The following LRRTM4 variants were observed in gnomAD, a reference collection of about 807,000 sequenced individuals.
The protein encoded by LRRTM4 is leucine rich repeat transmembrane neuronal 4.
In LRRTM4, 25 loss-of-function variants were observed where a neutral mutation model predicts 47.6. The ratio of observed to expected loss-of-function variants is 0.53; its 90% CI spans 0.38 to 0.73. LRRTM4 has a LOEUF of 0.73. Among genes scored for constraint, LRRTM4 ranks in the 30% least tolerant of loss-of-function variants. The pLI, the probability that LRRTM4 is intolerant of heterozygous loss-of-function variation, is 0.00. For synonymous variants in LRRTM4, 311 were observed against 269.5 expected, an observed-to-expected ratio of 1.15 and a Z score of -1.51; for missense variants, 638 against 713.4, an observed-to-expected ratio of 0.89 and a Z score of 1.20.
At chr2:77,299,736 T>G (rs1307699101) in intron 3 of LRRTM4, among the ~76,000 whole-genome samples, 1 of 151,778 alleles carries the variant, frequency 6.6e-6, no homozygotes. Context: ...TTATCCATCA[T>G]AAGTTATTGA....
intron 3 of LRRTM4, among the ~76,000 whole-genome samples, chr2:76,956,938 G>T (rs556246826): frequency 2.0e-4 from 30 of 151,410 alleles, no homozygotes; most frequent in African/African-American, 7.2e-4. Context: ...TTGAATAAGT[G>T]ATCAAAAACT....
chr2:76,810,197 A>G (rs1404927091), intron 3 of LRRTM4, among the ~76,000 whole-genome samples: 2 of 152,198 alleles, frequency 1.3e-5, no homozygotes, highest in Non-Finnish European at 1.5e-5. Context: ...CTGATGAACA[A>G]TTCTCCTTTA....
At chr2:77,426,681 C>G (rs1391869805) in intron 3 of LRRTM4, among the ~76,000 whole-genome samples, 1 of 152,084 alleles carries the variant, frequency 6.6e-6, no homozygotes, top group African/African-American at 2.4e-5. Flanking sequence ...TCCTCCCCTA[C>G]TTTGAATTCC....
chr2:77,478,212 A>G (rs1420281959), intron 3 of LRRTM4, among the ~76,000 whole-genome samples: 1 of 152,218 alleles, frequency 6.6e-6, no homozygotes, highest in East Asian at 1.9e-4. Context: ...GTTTGGAGAC[A>G]ATGGGGACAC....
At chr2:77,238,600 G>A (rs1175292540) in intron 3 of LRRTM4, among the ~76,000 whole-genome samples, 2 of 151,990 alleles carry the variant, frequency 1.3e-5, no homozygotes, top group South Asian at 2.1e-4. Context: ...ACAGCACGCC[G>A]AGAGATACAT....
intron 3 of LRRTM4, among the ~76,000 whole-genome samples, chr2:76,907,331 G>T (rs560829613): frequency 1.3e-5 from 2 of 151,210 alleles, no homozygotes; most frequent in African/African-American, 4.9e-5. Flanking sequence ...TCTCTGGGAC[G>T]CATTCAAAGT....
chr2:77,369,044 T>C (rs1672560270), intron 3 of LRRTM4, among the ~76,000 whole-genome samples: 1 of 151,780 alleles, frequency 6.6e-6, no homozygotes, highest in Non-Finnish European at 1.5e-5. Context: ...CAAACAGGTA[T>C]GAGGTAATAT....
At chr2:77,492,438 G>A (rs186278732) in intron 3 of LRRTM4, among the ~76,000 whole-genome samples, 14 of 152,062 alleles carry the variant, frequency 9.2e-5, no homozygotes, top group Middle Eastern at 3.4e-3. Flanking sequence ...TTTTAATTTT[G>A]TGTGGAGATG....
At chr2:76,887,231 T>C (rs1330775619) in intron 3 of LRRTM4, among the ~76,000 whole-genome samples, 1 of 151,784 alleles carries the variant, frequency 6.6e-6, no homozygotes, top group African/African-American at 2.4e-5. Context: ...GCAAAAGTTA[T>C]ATAGTATCAT....
At chr2:76,889,016 C>CTTTA (rs1673168448) in intron 3 of LRRTM4, among the ~76,000 whole-genome samples, 1 of 151,776 alleles carries the variant, frequency 6.6e-6, no homozygotes, top group African/African-American at 2.4e-5. Context: ...CATCTCATGG[C>CTTTA]AATATTTTCA....
intron 3 of LRRTM4, among the ~76,000 whole-genome samples, chr2:77,480,823 GA>G (rs1677662007): frequency 2.0e-4 from 5 of 24,504 alleles, no homozygotes; most frequent in Admixed American, 8.7e-4. Context: ...TGTGTGTGTG[GA>G]GAGAGAGAGA....
At chr2:77,042,002 A>C (rs1347528749) in intron 3 of LRRTM4, among the ~76,000 whole-genome samples, 1 of 147,172 alleles carries the variant, frequency 6.8e-6, no homozygotes, top group African/African-American at 2.4e-5. Context: ...AAAAACAAGA[A>C]AGAACAAATA....
At chr2:77,206,609 C>G (rs185211597) in intron 3 of LRRTM4, among the ~76,000 whole-genome samples, 9 of 152,004 alleles carry the variant, frequency 5.9e-5, no homozygotes, top group African/African-American at 9.6e-5. Flanking sequence ...CTCAGCCTCC[C>G]GAGTAGCTGG....
At chr2:77,100,855 T>TA (rs901041283) in intron 3 of LRRTM4, among the ~76,000 whole-genome samples, 1 of 150,742 alleles carries the variant, frequency 6.6e-6, no homozygotes, top group African/African-American at 2.4e-5. Flanking sequence ...TCTTTTTTTT[T>TA]TTTTTTTTTT....
At chr2:77,016,362 C>A (rs547287573) in intron 3 of LRRTM4, among the ~76,000 whole-genome samples, 2 of 140,168 alleles carry the variant, frequency 1.4e-5, no homozygotes, top group African/African-American at 5.4e-5. Context: ...TCCAGCCTGG[C>A]GACAGAGGGA....
At chr2:76,810,323 C>G (rs185823158) in intron 3 of LRRTM4, among the ~76,000 whole-genome samples, 31 of 152,132 alleles carry the variant, frequency 2.0e-4, no homozygotes, top group African/African-American at 7.2e-4. Context: ...TAAGATTATC[C>G]TCAATAACAG....
At chr2:77,090,376 G>T (rs542111890) in intron 3 of LRRTM4, among the ~76,000 whole-genome samples, 3 of 152,086 alleles carry the variant, frequency 2.0e-5, no homozygotes, top group African/African-American at 2.4e-5. Context: ...GACCCTAAAA[G>T]GTCAAAAGGT....
intron 3 of LRRTM4, among the ~76,000 whole-genome samples, chr2:77,205,257 T>C (rs1674089664): frequency 6.6e-6 from 1 of 152,076 alleles, no homozygotes; most frequent in African/African-American, 2.4e-5. Context: ...GAGATTATAG[T>C]CAAGGGAGAA....
intron 3 of LRRTM4, among the ~76,000 whole-genome samples, chr2:77,442,106 A>C (rs138847127): frequency 2.6e-5 from 4 of 152,288 alleles, no homozygotes; most frequent in Admixed American, 2.6e-4. Flanking sequence ...GTGGAAAGAC[A>C]TGGTCACAGA....
Sources: gnomAD v4.1 joint callset for allele counts (sites outside exome capture counted in the v4.1 genomes callset) on GRCh38, gnomAD v4.1.1 for gene constraint, MANE v1.5 for transcripts, NCBI Gene and HGNC (gene_info 2026-07-23, HGNC 2026-07-21) for gene names.